The following TMC1 variants were observed in gnomAD, a reference collection of about 807,000 sequenced individuals.
TMC1 encodes transmembrane channel like 1.
A neutral mutation model predicts 105.8 loss-of-function variants in TMC1; 84 were observed. The ratio of observed to expected loss-of-function variants is 0.79; its 90% CI spans 0.67 to 0.95. TMC1 has a LOEUF of 0.95. Among genes scored for constraint, TMC1 ranks in the 40% least tolerant of loss-of-function variants. The pLI is 0.00. For synonymous variants in TMC1, 315 were observed against 311.5 expected (o/e 1.01, Z -0.12); for missense variants, 817 against 914.1 (o/e 0.89, Z 1.37).
intron 3 of TMC1, among the ~76,000 whole-genome samples, chr9:72,618,333 C>A (rs1825176553): frequency 1.3e-5 from 2 of 151,938 alleles, no homozygotes; most frequent in Admixed American, 6.6e-5. Context: ...GTCTGGATCT[C>A]TTTTTAGTAC....
chr9:72,710,936 C>A (rs1227261518), intron 8 of TMC1, among the ~76,000 whole-genome samples: 1 of 152,158 alleles, frequency 6.6e-6, no homozygotes, highest in African/African-American at 2.4e-5. Flanking sequence ...CCTCCCTTAG[C>A]TCCGCATCCC....
At chr9:72,765,327 G>A (rs1301211407) in intron 12 of TMC1, among the ~76,000 whole-genome samples, 1 of 152,044 alleles carries the variant, frequency 6.6e-6, no homozygotes, top group Non-Finnish European at 1.5e-5. Context: ...ATTGCATCAA[G>A]TGAAGCTCCG....
Position 72,656,435 on chromosome 9 carries a change from T to G in TMC1, c.16+7771T>G, listed in dbSNP as rs2132157113. Among the ~76,000 whole-genome samples, 2 of 152,354 alleles carry G rather than the reference T, an allele frequency of 1.3e-5. 1 individual carries two copies. Among genetic ancestry groups the G allele is most frequent in the South Asian group, 4.1e-4 (2 of 4,826 alleles). On this transcript the variant is annotated intron_variant, in intron 5 of 23. Transcript: ENST00000297784. ...AAGTTCATCCTATCCAGTATGTTTC[T>G]CATTTCAAATATTGTATTTTCTATC...
chr9:72,565,806 G>A (rs1379864790), intron 1 of TMC1, among the ~76,000 whole-genome samples: 3 of 152,084 alleles, frequency 2.0e-5, no homozygotes, highest in East Asian at 1.9e-4. Flanking sequence ...TAAAACCATC[G>A]GATCTCACGA....
At chr9:72,811,710 CGTAA>C (rs1481035596) in intron 18 of TMC1, among the ~76,000 whole-genome samples, 1 of 152,122 alleles carries the variant, frequency 6.6e-6, no homozygotes, top group Non-Finnish European at 1.5e-5. Flanking sequence ...ATTGCTCACT[CGTAA>C]GTGAGAGCCG....
intron 23 of TMC1, 30 bp from the exon 24 acceptor site, chr9:72,835,915 GTTTTTT>G (rs754537281): frequency 1.1e-5 from 15 of 1,316,708 alleles, no homozygotes; most frequent in East Asian, 5.1e-5. Context: ...CTCTCTCCTT[GTTTTTT>G]TTTTTTTTTT....
At chr9:72,641,703 C>T (rs1825631189) in intron 4 of TMC1, among the ~76,000 whole-genome samples, 1 of 151,756 alleles carries the variant, frequency 6.6e-6, no homozygotes, top group Non-Finnish European at 1.5e-5. Flanking sequence ...TGTTGATCTC[C>T]TTCGTTTTCT....
At chr9:72,540,404 T>C (rs1433195117) in intron 1 of TMC1, among the ~76,000 whole-genome samples, 4 of 152,142 alleles carry the variant, frequency 2.6e-5, no homozygotes, top group East Asian at 1.9e-4. Context: ...ATGGCAGAGA[T>C]AGCCACATGG....
chr9:72,523,449 A>C (rs1205900501), intron 1 of TMC1, among the ~76,000 whole-genome samples: 1 of 152,190 alleles, frequency 6.6e-6, no homozygotes, highest in Non-Finnish European at 1.5e-5. Context: ...TTATTAACAC[A>C]TATTTTGTAT....
intron 13 of TMC1, among the ~76,000 whole-genome samples, chr9:72,784,817 C>G (rs1828144581): frequency 6.6e-6 from 1 of 152,244 alleles, no homozygotes; most frequent in Admixed American, 6.5e-5. Context: ...AGGCCATTAT[C>G]CTAAGTGAAT....
rs182313395 is a variant in TMC1 at position 72,622,799 on chromosome 9, C to G, written c.-195-5122C>G. 3.0e-3 allele frequency among the ~76,000 whole-genome samples: 453 copies of G among 152,062 alleles called. 3 individuals are homozygous for G. The highest frequency in any genetic ancestry group is 0.01 in the African/African-American group (433 of 41,482). On this transcript the variant is annotated intron_variant, in intron 3 of 23. Coordinates refer to ENST00000297784, the MANE Select transcript of TMC1 (RefSeq NM_138691.3). ...GGTGTGGTGGTTCATGCCTGTAATC[C>G]CAGCACTTTGGGAGGCTGAGGTGGG...
chr9:72,687,361 T>A (rs1488752330), intron 5 of TMC1, among the ~76,000 whole-genome samples: 1 of 152,150 alleles, frequency 6.6e-6, no homozygotes, highest in Non-Finnish European at 1.5e-5. Context: ...CTGAAGAAGC[T>A]TAGTGGTGAC....
At chr9:72,676,538 G>C (rs1826204941) in intron 5 of TMC1, among the ~76,000 whole-genome samples, 1 of 152,060 alleles carries the variant, frequency 6.6e-6, no homozygotes, top group South Asian at 2.1e-4. Flanking sequence ...CTTTCACTAA[G>C]GCATAGGGAG....
rs115561557 is a variant in TMC1, at chr9:72,550,726, C to T, written c.-427-27176C>T. Among the ~76,000 whole-genome samples the T allele has an allele frequency of 4.1e-3, 609 of 148,662 alleles. 4 individuals carry two copies. The highest frequency in any genetic ancestry group is 0.014 in the African/African-American group (578 of 40,076). On this transcript the variant is annotated intron_variant, in intron 1 of 23. Coordinates refer to ENST00000297784, the MANE Select transcript of TMC1 (RefSeq NM_138691.3). ...GAAATTGAAATAGGGGGTAAAAAGG[C>T]TGGTGGGTGTGGTAGGCAGAATAAT...
chr9:72,617,470 CTT>C (rs1184708885), intron 3 of TMC1, among the ~76,000 whole-genome samples: 1 of 152,026 alleles, frequency 6.6e-6, no homozygotes, highest in East Asian at 1.9e-4. Context: ...CCTGTGGTCT[CTT>C]TTTAAATGTT....
intron 5 of TMC1, among the ~76,000 whole-genome samples, chr9:72,675,567 G>C (rs1826189925): frequency 1.3e-5 from 2 of 152,114 alleles, no homozygotes; most frequent in Non-Finnish European, 2.9e-5. Context: ...TAAAAGTCTA[G>C]GTTTAGATCT....
At chr9:72,711,662 A>T (rs1285258038) in intron 8 of TMC1, among the ~76,000 whole-genome samples, 1 of 152,090 alleles carries the variant, frequency 6.6e-6, no homozygotes, top group Non-Finnish European at 1.5e-5. Context: ...TAGATTCTGG[A>T]TATTAGCCCT....
intron 8 of TMC1, among the ~76,000 whole-genome samples, chr9:72,731,445 A>G (rs903184607): frequency 6.6e-6 from 1 of 152,226 alleles, no homozygotes; most frequent in African/African-American, 2.4e-5. Flanking sequence ...AAGAAAAGGA[A>G]GAAAATAGGT....
chr9:72,677,828 A>C (rs1826226139), intron 5 of TMC1, among the ~76,000 whole-genome samples: 1 of 152,102 alleles, frequency 6.6e-6, no homozygotes, highest in Non-Finnish European at 1.5e-5. Flanking sequence ...TGATCAAGTA[A>C]CCATTGAGCA....
Sources: gnomAD v4.1 joint callset for allele counts (sites outside exome capture counted in the v4.1 genomes callset) on GRCh38, gnomAD v4.1.1 for gene constraint, MANE v1.5 for transcripts, NCBI Gene and HGNC (gene_info 2026-07-23, HGNC 2026-07-21) for gene names.